The following NBEA variants were observed in gnomAD, a reference collection of about 807,000 sequenced individuals.
NBEA encodes the protein neurobeachin, also known as lysosomal-trafficking regulator 2.
A neutral mutation model predicts 343.4 loss-of-function variants in NBEA; 44 were observed. The observed-to-expected ratio is 0.13, with a 90% CI of 0.10 to 0.16. The LOEUF is 0.16. NBEA is among the 10% of genes least tolerant of loss of function. The pLI is 1.00. For missense variants in NBEA, 2,555 were observed against 3,631.3 expected, an observed-to-expected ratio of 0.70 and a Z score of 7.62; for synonymous variants, 1,175 against 1,238.7, an observed-to-expected ratio of 0.95 and a Z score of 1.08.
intron 1 of NBEA, among the ~76,000 whole-genome samples, chr13:35,029,686 A>G (rs927986763): frequency 2.0e-5 from 3 of 151,710 alleles, no homozygotes; most frequent in African/African-American, 7.2e-5. Context: ...CAAGATATTT[A>G]AAGACTCACT....
intron 18 of NBEA, among the ~76,000 whole-genome samples, chr13:35,149,419 T>C (rs2152702676): frequency 6.6e-6 from 1 of 152,234 alleles, no homozygotes; most frequent in East Asian, 1.9e-4. Flanking sequence ...ACAGACAAAC[T>C]AAGACTCACA....
At chr13:35,533,802 G>C (rs2078391398) in intron 41 of NBEA, among the ~76,000 whole-genome samples, 1 of 152,072 alleles carries the variant, frequency 6.6e-6, no homozygotes, top group African/African-American at 2.4e-5. Flanking sequence ...TGGCACTCCA[G>C]GCAGCTGCAT....
chr13:34,963,201 A>G (rs1038903286), intron 1 of NBEA, among the ~76,000 whole-genome samples: 9 of 151,898 alleles, frequency 5.9e-5, no homozygotes, highest in African/African-American at 1.4e-4. Flanking sequence ...AAAAATTGTA[A>G]TTTATTTTCT....
At chr13:34,971,162 T>G (rs1006520897) in intron 1 of NBEA, among the ~76,000 whole-genome samples, 8 of 152,136 alleles carry the variant, frequency 5.3e-5, no homozygotes, top group African/African-American at 1.9e-4. Context: ...TTGTTTGTGG[T>G]TTGGCTCTCA....
At position 35,264,594 on chromosome 13, in the gene NBEA, T is replaced by C. The variant is rs536753467; in HGVS notation, c.5777-25795T>C. ...CTAGGGATGCAGGGATAGTTCAACA[T>C]ACATTAATCAATAAATGGTGATACA... On this transcript the variant is annotated intron_variant, in intron 34 of 58. Transcript: ENST00000379939. Among the ~76,000 whole-genome samples, 14 of 75,334 alleles carry C rather than the reference T, an allele frequency of 1.9e-4. 1 individual carries two copies. In the South Asian group the frequency reaches 0.011, roughly 59 times the overall value. The allele number at this position is 75,334 out of a possible 152,430, so 49.4% of individuals were successfully genotyped here.
At chr13:35,356,497 GA>G in intron 38 of NBEA, among the ~76,000 whole-genome samples, 1 of 152,184 alleles carries the variant, frequency 6.6e-6, no homozygotes, top group Admixed American at 6.5e-5. Context: ...GTAAATGCAA[GA>G]AAAATATGTG....
chr13:35,557,999 G>T (rs12430322), intron 44 of NBEA, among the ~76,000 whole-genome samples: 8,343 of 152,194 alleles, frequency 0.055, 279 homozygotes, highest in South Asian at 0.091. Flanking sequence ...TCAGTATAGT[G>T]TTAGAGTAGA....
rs1014295445 is a variant in NBEA at position 35,184,036 on chromosome 13, T to C, written c.4892T>C (p.Ile1631Thr). The C allele has an allele frequency of 5.0e-6, 8 of 1,611,810 alleles. No individual in the cohort carries two copies. Among genetic ancestry groups the C allele is most frequent in the Non-Finnish European group, 6.8e-6 (8 of 1,178,618 alleles). Reference sequence around the variant, plus strand: ...AACCATGGATTCCTTGCCAAGTTAATTCCTGAGCAGAGCTTTGGCCACTCA... The same window carrying C: ...AACCATGGATTCCTTGCCAAGTTAACTCCTGAGCAGAGCTTTGGCCACTCA... ...SLNHGFLAKL[I>T]PEQSFGHSFY... The change falls in exon 30 of 59, where the codon ATT becomes ACT. Residue 1631 changes from isoleucine to threonine, a missense_variant. Ile to Thr is a moderately conservative substitution (Grantham distance 89). Around this residue, in one of 21 missense-constraint regions of NBEA, gnomAD observed 270 missense variants for 293.3 expected, o/e 0.92. Coordinates refer to ENST00000379939, the MANE Select transcript of NBEA (RefSeq NM_001385012.1).
At chr13:35,301,641 A>G (rs565922282) in intron 35 of NBEA, among the ~76,000 whole-genome samples, 6 of 152,260 alleles carry the variant, frequency 3.9e-5, no homozygotes, top group South Asian at 4.1e-4. Flanking sequence ...TAGTGCTGCA[A>G]TAAACATACA....
At chr13:35,471,256 C>T (rs1399662794) in intron 40 of NBEA, among the ~76,000 whole-genome samples, 3 of 152,120 alleles carry the variant, frequency 2.0e-5, no homozygotes, top group Admixed American at 1.3e-4. Flanking sequence ...GCCAACTTGG[C>T]CGCCTCTCCC....
chr13:35,267,274 C>G (rs764358589), intron 34 of NBEA, among the ~76,000 whole-genome samples: 7 of 151,752 alleles, frequency 4.6e-5, no homozygotes, highest in Non-Finnish European at 1.0e-4. Context: ...AGTGTTCTTA[C>G]CACAAAAATA....
chr13:35,454,836 G>C (rs2046482839), intron 40 of NBEA, among the ~76,000 whole-genome samples: 1 of 151,674 alleles, frequency 6.6e-6, no homozygotes, highest in South Asian at 2.1e-4. Flanking sequence ...CTCCAGCCTG[G>C]GCGACAGAAT....
rs140016220 is a variant in NBEA at position 35,253,576 on chromosome 13, A to C, written c.5776+20957A>C. On this transcript the variant is annotated intron_variant, in intron 34 of 58. Transcript: ENST00000379939. ...CCTGTATTTTTAAAACTGTGTGTTG[A>C]TCATCATTATATTATGGTGTATACC... is the stretch of plus-strand genomic sequence containing the variant. Among the ~76,000 whole-genome samples, 775 of 152,276 alleles carry C rather than the reference A, an allele frequency of 5.1e-3. 5 individuals carry two copies. The highest frequency in any genetic ancestry group is 0.035 in the South Asian group (167 of 4,828).
chr13:35,649,647 T>C lies in NBEA; in HGVS notation c.7771-8T>C, dbSNP rs2084420610. 1.2e-6 allele frequency: 2 copies of C among 1,606,976 alleles called. No individual in the cohort carries two copies. Among genetic ancestry groups the C allele is most frequent in the Non-Finnish European group, 1.7e-6 (2 of 1,173,516 alleles). ...CTTCCTCTGTTCTCTTCCCTTTCTA[T>C]TCAACAGTGTTTCCTTCCACAGAGT... On this transcript the variant is annotated splice_polypyrimidine_tract_variant and splice_region_variant and intron_variant, in intron 51 of 58. Coordinates refer to ENST00000379939, the MANE Select transcript of NBEA (RefSeq NM_001385012.1).
At chr13:35,039,191 C>G (rs908363361) in intron 1 of NBEA, among the ~76,000 whole-genome samples, 9 of 152,098 alleles carry the variant, frequency 5.9e-5, no homozygotes, top group African/African-American at 2.2e-4. Flanking sequence ...TCTCCCTTCA[C>G]CAGCACCCAG....
chr13:35,234,718 C>G (rs973487623), intron 34 of NBEA, among the ~76,000 whole-genome samples: 3 of 152,096 alleles, frequency 2.0e-5, no homozygotes, highest in African/African-American at 4.8e-5. Flanking sequence ...GGGTTATGTT[C>G]CCTGCTTCTA....
chr13:35,129,734 A>T (rs970144055), intron 17 of NBEA, among the ~76,000 whole-genome samples: 13 of 152,120 alleles, frequency 8.5e-5, no homozygotes, highest in African/African-American at 3.1e-4. Flanking sequence ...TACAAAATTG[A>T]TGAAAGACCT....
intron 1 of NBEA, among the ~76,000 whole-genome samples, chr13:35,025,571 C>T (rs573139460): frequency 3.3e-5 from 5 of 151,836 alleles, no homozygotes; most frequent in East Asian, 1.9e-4. Context: ...CCTTGTAGTA[C>T]GGTTTGAAGT....
intron 34 of NBEA, among the ~76,000 whole-genome samples, chr13:35,247,784 G>T (rs1352710812): frequency 6.6e-6 from 1 of 151,874 alleles, no homozygotes; most frequent in Non-Finnish European, 1.5e-5. Context: ...CTGCAATTTA[G>T]TCTTGCCTCC....
Sources: allele counts gnomAD v4.1 joint callset (sites outside exome capture counted in the v4.1 genomes callset), GRCh38; gene constraint gnomAD v4.1.1; regional missense constraint gnomAD v4.1.1; transcripts MANE v1.5; gene names NCBI Gene and HGNC (gene_info 2026-07-23, HGNC 2026-07-21).